BCL9: variants seen among roughly 807,000 people sequenced by gnomAD.
The protein encoded by BCL9 is B-cell CLL/lymphoma 9 protein.
A neutral mutation model predicts 88.5 loss-of-function variants in BCL9; 25 were observed. The ratio of observed to expected loss-of-function variants is 0.28; its 90% confidence interval spans 0.21 to 0.39. BCL9 has a LOEUF of 0.39. BCL9 is among the 10% of genes least tolerant of loss of function. BCL9 has a pLI of 1.00. For synonymous variants in BCL9, 711 were observed against 673.3 expected, an observed-to-expected ratio of 1.06 and a Z score of -0.87; for missense variants, 1,817 against 1,877.8, an observed-to-expected ratio of 0.97 and a Z score of 0.60.
intron 1 of BCL9, among the ~76,000 whole-genome samples, chr1:147,599,972 G>A (rs1553200986): frequency 1.3e-5 from 2 of 151,610 alleles, no homozygotes; most frequent in Non-Finnish European, 3.0e-5. Context: ...GCTGAGGCGG[G>A]GCGGGGCGGT....
intron 1 of BCL9, among the ~76,000 whole-genome samples, chr1:147,543,154 T>C (rs1363714794): frequency 6.6e-6 from 1 of 152,190 alleles, no homozygotes; most frequent in African/African-American, 2.4e-5. Flanking sequence ...TGTCTGCTTA[T>C]TTTCTTGAAT....
At chr1:147,595,101 G>C (rs1553200326) in intron 1 of BCL9, among the ~76,000 whole-genome samples, 1 of 152,186 alleles carries the variant, frequency 6.6e-6, no homozygotes. Flanking sequence ...CAACAATGAG[G>C]ATACATAAAA....
intron 3 of BCL9, among the ~76,000 whole-genome samples, chr1:147,608,927 T>C (rs1487658037): frequency 2.0e-5 from 3 of 152,190 alleles, no homozygotes; most frequent in Non-Finnish European, 2.9e-5. Flanking sequence ...GGTGTGAGCT[T>C]GGTCAAGTTA....
chr1:147,616,153 A>G (rs1658274744), intron 7 of BCL9, among the ~76,000 whole-genome samples: 1 of 152,224 alleles, frequency 6.6e-6, no homozygotes, highest in Non-Finnish European at 1.5e-5. Context: ...CTATACAGAT[A>G]TCTTTGGGTT....
At chr1:147,564,228 C>CTGGCA (rs1655507371) in intron 1 of BCL9, among the ~76,000 whole-genome samples, 1 of 152,124 alleles carries the variant, frequency 6.6e-6, no homozygotes, top group African/African-American at 2.4e-5. Flanking sequence ...TGTAAAACCC[C>CTGGCA]TGGCACATTG....
At chr1:147,581,196 A>C (rs587598983) in intron 1 of BCL9, among the ~76,000 whole-genome samples, 1 of 152,260 alleles carries the variant, frequency 6.6e-6, no homozygotes, top group East Asian at 1.9e-4. Flanking sequence ...CACTGGGAAA[A>C]GGCTTCCTTA....
chr1:147,571,319 T>C (rs1655876177), intron 1 of BCL9, among the ~76,000 whole-genome samples: 1 of 152,134 alleles, frequency 6.6e-6, no homozygotes, highest in Non-Finnish European at 1.5e-5. Flanking sequence ...AAATCCTTCC[T>C]TCCTTCTTGA....
At chr1:147,581,282 A>G (rs1553198616) in intron 1 of BCL9, among the ~76,000 whole-genome samples, 1 of 152,218 alleles carries the variant, frequency 6.6e-6, no homozygotes, top group African/African-American at 2.4e-5. Flanking sequence ...GTAAACTCCC[A>G]AAATGACAGC....
intron 1 of BCL9, among the ~76,000 whole-genome samples, chr1:147,602,418 G>T (rs1437168687): frequency 1.3e-5 from 2 of 151,972 alleles, no homozygotes; most frequent in Admixed American, 1.3e-4. Context: ...CACCATGTTG[G>T]CCAGGCTGGT....
At chr1:147,616,020 G>T (rs782230026) in intron 7 of BCL9, 118 bp downstream of exon 7, 164 of 957,402 alleles carry the variant, frequency 1.7e-4, no homozygotes, top group Middle Eastern at 5.1e-4. Flanking sequence ...TGCATTCTTG[G>T]CATTTAACCT....
intron 1 of BCL9, among the ~76,000 whole-genome samples, chr1:147,561,131 T>G (rs1216468383): frequency 1.3e-5 from 2 of 152,232 alleles, no homozygotes; most frequent in African/African-American, 4.8e-5. Context: ...CAACACACAC[T>G]TTAGTCTTTC....
At chr1:147,554,816 C>A (rs941603607) in intron 1 of BCL9, among the ~76,000 whole-genome samples, 2 of 152,124 alleles carry the variant, frequency 1.3e-5, no homozygotes, top group South Asian at 4.1e-4. Flanking sequence ...ACTGAGTGAG[C>A]TAGTTGGAAG....
intron 1 of BCL9, among the ~76,000 whole-genome samples, chr1:147,547,020 C>T (rs76778605): frequency 0.027 from 4,075 of 151,566 alleles, 168 homozygotes; most frequent in African/African-American, 0.094. Flanking sequence ...TTATATTGTG[C>T]TCACATGTTG....
intron 5 of BCL9, among the ~76,000 whole-genome samples, chr1:147,614,133 G>A (rs1658147119): frequency 6.6e-6 from 1 of 152,168 alleles, no homozygotes; most frequent in Non-Finnish European, 1.5e-5. Context: ...AGGGCTGTGA[G>A]ATCCATCCCC....
intron 1 of BCL9, among the ~76,000 whole-genome samples, chr1:147,582,434 C>A (rs1481582778): frequency 6.6e-6 from 1 of 152,036 alleles, no homozygotes; most frequent in Non-Finnish European, 1.5e-5. Flanking sequence ...TGTATTTATA[C>A]TTGGTTATTT....
In BCL9 at chr1:147,624,098, C is replaced by T. The variant is rs782375318; in HGVS notation, c.3420C>T (p.Gly1140=). ...AAGGACGGATGGGCTTCCCCCAGGG[C>T]TTCCCTCCAGTACAGTCTCCCCCAC... ...VPQGRMGFPQ[G]FPPVQSPPQQ... The change falls in exon 10 of 10, where the codon GGC becomes GGT. Residue 1140 remains glycine (G), a synonymous_variant. Transcript: ENST00000234739. This position sits in a 1 kb window ranked among gnomAD's most constrained non-coding sequence, Gnocchi z 4.4. The T allele has an allele frequency of 6.2e-7, 1 of 1,607,552 alleles. No homozygotes were observed. The highest frequency in any genetic ancestry group is 1.3e-5 in the African/African-American group (1 of 74,854).
intron 1 of BCL9, among the ~76,000 whole-genome samples, chr1:147,555,606 G>T (rs962747092): frequency 1.3e-5 from 2 of 152,314 alleles, no homozygotes; most frequent in Admixed American, 1.3e-4. Context: ...GGTTTTTGAT[G>T]TTGGGCCAAG....
rs782339798 is a variant in BCL9, at chr1:147,620,755, C to T, written c.2600C>T (p.Thr867Met). Residue 867 changes from threonine to methionine, a missense_variant, in exon 8 of 10, where the codon ACG (threonine) becomes ATG (methionine). By Grantham distance (81) the Thr-to-Met change is moderately conservative. Coordinates refer to ENST00000234739, the MANE Select transcript of BCL9 (RefSeq NM_004326.4). ...SPGINPLKSP[T>M]MHQVQSPMLG... ...GGCATTAACCCTCTGAAGTCTCCCACGATGCACCAAGTCCAGTCACCAATG... is the reference window on the plus strand; with the variant it reads ...GGCATTAACCCTCTGAAGTCTCCCATGATGCACCAAGTCCAGTCACCAATG... 8.1e-6 allele frequency: 13 copies of T among 1,613,968 alleles called. No homozygotes were observed. Among genetic ancestry groups the T allele is most frequent in the African/African-American group, 5.3e-5 (4 of 74,944 alleles).
intron 3 of BCL9, among the ~76,000 whole-genome samples, chr1:147,607,210 C>G (rs1226148865): frequency 6.6e-6 from 1 of 152,156 alleles, no homozygotes; most frequent in Non-Finnish European, 1.5e-5. Flanking sequence ...TGCATATATA[C>G]CACCTTTTCT....
Sources: gnomAD v4.1 joint callset for allele counts (sites outside exome capture counted in the v4.1 genomes callset) on GRCh38, gnomAD v4.1.1 for gene constraint, Gnocchi (gnomAD v3.1) non-coding constraint, MANE v1.5 for transcripts, NCBI Gene and HGNC (gene_info 2026-07-23, HGNC 2026-07-21) for gene names.